Variants in DAPK1 observed in about 807,000 individuals in gnomAD.
The protein encoded by DAPK1 is death associated protein kinase 1, also known as death-associated protein kinase 1.
A neutral mutation model predicts 144.9 loss-of-function variants in DAPK1; 56 were observed. The ratio of observed to expected loss-of-function variants is 0.39; its 90% confidence interval spans 0.31 to 0.48. The LOEUF (loss-of-function observed/expected upper bound fraction) is 0.48. Among genes scored for constraint, DAPK1 ranks in the 20% least tolerant of loss-of-function variants. The probability of loss-of-function intolerance (pLI) is 0.95; values close to 1 mark genes in which losing one functional copy is unlikely to be tolerated. For synonymous variants in DAPK1, 690 were observed against 749.0 expected (o/e 0.92, Z 1.29); for missense variants, 1,454 against 1,875.4 (o/e 0.78, Z 4.15).
intron 2 of DAPK1, among the ~76,000 whole-genome samples, chr9:87,512,441 A>G (rs73492333): frequency 0.019 from 2,950 of 152,306 alleles, 112 homozygotes; most frequent in African/African-American, 0.067. Context: ...AGATGTGAAA[A>G]TGAGTGTTTT....
intron 18 of DAPK1, among the ~76,000 whole-genome samples, chr9:87,660,023 G>A (rs1830783021): frequency 6.6e-6 from 1 of 152,148 alleles, no homozygotes; most frequent in Admixed American, 6.5e-5. Context: ...GTGGACAGGG[G>A]CTGGGGGCGC....
chr9:87,605,918 G>A (rs1005711740), intron 3 of DAPK1, among the ~76,000 whole-genome samples: 1 of 152,186 alleles, frequency 6.6e-6, no homozygotes, highest in Non-Finnish European at 1.5e-5. Flanking sequence ...AGCTTGGGGC[G>A]CACATCTGCT....
In DAPK1 at chr9:87,510,074, C is replaced by T. The variant is rs181603794; in HGVS notation, c.62+10935C>T. Among the ~76,000 whole-genome samples the T allele has an allele frequency of 1.1e-4, 17 of 152,314 alleles. No individual in the cohort carries two copies. In the East Asian group the frequency reaches 3.1e-3, roughly 28 times the overall value. Reference sequence around the variant, plus strand: ...TTCCATTACATACAGCCTCAGGCATCCGTTTCAATTGTTTGGGAGAGGAAG... The same window carrying T: ...TTCCATTACATACAGCCTCAGGCATTCGTTTCAATTGTTTGGGAGAGGAAG... On this transcript the variant is annotated intron_variant, in intron 2 of 25. Coordinates refer to ENST00000408954, the MANE Select transcript of DAPK1 (RefSeq NM_004938.4).
intron 2 of DAPK1, among the ~76,000 whole-genome samples, chr9:87,545,722 T>G (rs1326556297): frequency 3.3e-5 from 5 of 151,994 alleles, no homozygotes; most frequent in Non-Finnish European, 5.9e-5. Context: ...ATTTTGTATT[T>G]TTAGTAGAGA....
chr9:87,648,842 T>A lies in DAPK1; in HGVS notation c.1391T>A (p.Leu464Gln). 1.2e-6 allele frequency: 2 copies of A among 1,614,246 alleles called. No individual in the cohort carries two copies. Among genetic ancestry groups the A allele is most frequent in the Non-Finnish European group, 1.7e-6 (2 of 1,180,026 alleles). ...RYGHADVAQL[L>Q]CSFGSNPNIQ... The stretch of plus-strand genomic sequence containing the variant: ...GGCCATGCTGACGTGGCTCAGTTAC[T>A]GTGCAGCTTCGGCTCAAATCCCAAT... The change falls in exon 15 of 26, where the codon CTG (leucine) becomes CAG (glutamine). Residue 464 changes from leucine (L) to glutamine (Q), a missense_variant. By Grantham distance (113) the Leu-to-Gln change is moderately radical. Transcript: ENST00000408954.
intron 19 of DAPK1, among the ~76,000 whole-genome samples, chr9:87,677,378 C>G (rs1241698128): frequency 6.6e-6 from 1 of 151,974 alleles, no homozygotes; most frequent in Non-Finnish European, 1.5e-5. Context: ...TGTAGTTGAC[C>G]ATGGTTCGAG....
chr9:87,609,559 T>A (rs556099388), intron 3 of DAPK1, among the ~76,000 whole-genome samples: 1 of 152,342 alleles, frequency 6.6e-6, no homozygotes, highest in South Asian at 2.1e-4. Context: ...ATTGAAAATA[T>A]TAAATCTGTC....
chr9:87,499,460 A>G (rs190029043), intron 2 of DAPK1: 1 of 397,752 alleles, frequency 2.5e-6, no homozygotes, highest in East Asian at 3.5e-5. Context: ...AAACACTAAG[A>G]TTATAATTGC....
intron 2 of DAPK1, chr9:87,554,360 A>G (rs771494371): frequency 1.3e-5 from 2 of 152,244 alleles, no homozygotes; most frequent in African/African-American, 2.4e-5. Context: ...ATCTTCTGCA[A>G]TGCCTCGAGG....
chr9:87,505,801 G>C (rs1046434278), intron 2 of DAPK1, among the ~76,000 whole-genome samples: 4 of 152,134 alleles, frequency 2.6e-5, no homozygotes, highest in Non-Finnish European at 1.5e-5. Flanking sequence ...GTGATTCTCT[G>C]TCTCAGCCTC....
intron 25 of DAPK1, 146 bp downstream of exon 25, chr9:87,703,363 C>G: frequency 1.7e-6 from 1 of 601,096 alleles, no homozygotes; most frequent in Non-Finnish European, 3.0e-6. Context: ...ACACGTGTGA[C>G]AAACACAGCC....
At chr9:87,574,419 A>G (rs1011727919) in intron 2 of DAPK1, among the ~76,000 whole-genome samples, 1 of 152,218 alleles carries the variant, frequency 6.6e-6, no homozygotes, top group African/African-American at 2.4e-5. Flanking sequence ...ATTTGGCCCA[A>G]AAATTTCCAA....
Position 87,649,888 on chromosome 9 carries a change from TCTC to T in DAPK1, c.1429-26_1429-24del, listed in dbSNP as rs758774546. The T allele has an allele frequency of 3.7e-5, 60 of 1,607,686 alleles. No homozygotes were observed. In the African/African-American group the frequency reaches 7.3e-4, roughly 20 times the overall value. ...TATACTTTGTTTCTCATTATTGTGT[TCTC>T]CTCCTCTCTGTACTCGTCTCCTTGG... is the stretch of plus-strand genomic sequence containing the variant. On this transcript the variant is annotated intron_variant, in intron 15 of 25. Coordinates refer to ENST00000408954, the MANE Select transcript of DAPK1 (RefSeq NM_004938.4).
intron 2 of DAPK1, among the ~76,000 whole-genome samples, chr9:87,594,088 C>G (rs1828234148): frequency 6.6e-6 from 1 of 152,136 alleles, no homozygotes; most frequent in Non-Finnish European, 1.5e-5. Flanking sequence ...ATTTTAGTCT[C>G]CATAAAACTG....
At chr9:87,692,170 G>A (rs760419023) in intron 21 of DAPK1, among the ~76,000 whole-genome samples, 17 of 151,806 alleles carry the variant, frequency 1.1e-4, no homozygotes, top group Non-Finnish European at 2.1e-4. Context: ...CTCTGGTGAT[G>A]GATACATATA....
chr9:87,622,988 C>T (rs1425327064), intron 3 of DAPK1, among the ~76,000 whole-genome samples: 7 of 152,116 alleles, frequency 4.6e-5, no homozygotes, highest in South Asian at 2.1e-4. Context: ...TTTGAAAATC[C>T]GCGCCTCAGC....
At chr9:87,512,073 A>AT (rs1222933354) in intron 2 of DAPK1, among the ~76,000 whole-genome samples, 1 of 151,866 alleles carries the variant, frequency 6.6e-6, no homozygotes, top group Non-Finnish European at 1.5e-5. Flanking sequence ...TTGTTTGTTT[A>AT]TTTTTTTAGA....
rs1042899966 is a variant in DAPK1 at position 87,563,198 on chromosome 9, C to T, written c.63-41756C>T. 4.4e-4 allele frequency among the ~76,000 whole-genome samples: 67 copies of T among 152,208 alleles called. 1 individual carries two copies. Among genetic ancestry groups the T allele is most frequent in the African/African-American group, 1.6e-3 (66 of 41,440 alleles). On this transcript the variant is annotated intron_variant, in intron 2 of 25. Transcript: ENST00000408954. ...ATTCTTTCCTGGTAAACTCCAATTT[C>T]TAAGTTTATAAGTACATGCATTTGT...
chr9:87,536,306 A>T (rs866018452), intron 2 of DAPK1, among the ~76,000 whole-genome samples: 1 of 152,206 alleles, frequency 6.6e-6, no homozygotes, highest in African/African-American at 2.4e-5. Context: ...GCGAGGGTAG[A>T]AGGTGTAAGT....
Sources: allele counts gnomAD v4.1 joint callset (sites outside exome capture counted in the v4.1 genomes callset), GRCh38; gene constraint gnomAD v4.1.1; transcripts MANE v1.5; gene names NCBI Gene and HGNC (gene_info 2026-07-23, HGNC 2026-07-21).